Variants in FAT3 observed in about 807,000 individuals in gnomAD.
FAT3 encodes protocadherin Fat 3.
FAT3 carries 95 observed loss-of-function variants against 310.2 expected under a neutral mutation model. The ratio of observed to expected loss-of-function variants is 0.31; its 90% confidence interval spans 0.26 to 0.36. The LOEUF (loss-of-function observed/expected upper bound fraction) is 0.36, where lower values mean the gene tolerates loss of function less well. Among genes scored for constraint, FAT3 ranks in the 10% least tolerant of loss-of-function variants. The pLI is 1.00. For synonymous variants in FAT3, 2,314 were observed against 2,192.9 expected, an observed-to-expected ratio of 1.06 and a Z score of -1.54; for missense variants, 5,408 against 5,715.6, an observed-to-expected ratio of 0.95 and a Z score of 1.74.
intron 1 of FAT3, among the ~76,000 whole-genome samples, chr11:92,338,744 C>T (rs1368874988): frequency 1.3e-5 from 2 of 152,124 alleles, no homozygotes; most frequent in Non-Finnish European, 2.9e-5. Context: ...GAACATTAGT[C>T]CTTGGGAACA....
chr11:92,534,589 A>G (rs687952), intron 3 of FAT3, among the ~76,000 whole-genome samples: 62,997 of 151,964 alleles, frequency 0.41, 13,430 homozygotes, highest in Middle Eastern at 0.55. Flanking sequence ...GGTAAGGAAG[A>G]TCTTTGTAGA....
At chr11:92,670,537 T>C (rs1023736547) in intron 3 of FAT3, among the ~76,000 whole-genome samples, 1 of 152,142 alleles carries the variant, frequency 6.6e-6, no homozygotes, top group East Asian at 1.9e-4. Flanking sequence ...ACTGCCTTGT[T>C]TGGGGGGATG....
intron 2 of FAT3, among the ~76,000 whole-genome samples, chr11:92,505,320 C>A (rs957553775): frequency 9.9e-5 from 15 of 152,106 alleles, no homozygotes; most frequent in African/African-American, 3.6e-4. Flanking sequence ...GCTTCCACAA[C>A]TGTTGTTGGG....
chr11:92,331,317 GA>G (rs1449412339), intron 1 of FAT3, among the ~76,000 whole-genome samples: 2 of 150,190 alleles, frequency 1.3e-5, no homozygotes, highest in Non-Finnish European at 3.0e-5. Context: ...AGAGTTTCAT[GA>G]AAACCTCTCT....
intron 1 of FAT3, among the ~76,000 whole-genome samples, chr11:92,240,630 A>G (rs1248431508): frequency 6.6e-6 from 1 of 151,196 alleles, no homozygotes; most frequent in Non-Finnish European, 1.5e-5. Context: ...AGGTTTTTGC[A>G]TCAATGTAGA....
chr11:92,883,347 C>T lies in FAT3; in HGVS notation c.12891C>T (p.Ser4297=), dbSNP rs776282498. Residue 4297 remains serine, a synonymous_variant, in exon 24 of 28, where the codon TCC becomes TCT. Coordinates refer to ENST00000525166, the MANE Select transcript of FAT3 (RefSeq NM_001367949.2). This position sits in a 1 kb window ranked among gnomAD's most constrained non-coding sequence, Gnocchi z 4.2. ...TCCCCGCCGTGTCACCCTGCCGCTC[C>T]GACTGCGACTCCATCCGGAAGAATG... is the stretch of plus-strand genomic sequence containing the variant. ...PNLPAVSPCR[S]DCDSIRKNGW... is the part of the protein sequence containing the mutation. 4 of 1,608,920 alleles carry T rather than the reference C, an allele frequency of 2.5e-6. No homozygotes were observed. The highest frequency in any genetic ancestry group is 1.3e-5 in the African/African-American group (1 of 74,958).
chr11:92,560,831 T>G (rs1460568793), intron 3 of FAT3, among the ~76,000 whole-genome samples: 1 of 152,202 alleles, frequency 6.6e-6, no homozygotes. Context: ...GTCAGATATT[T>G]CAGCTTCTGT....
At chr11:92,427,061 G>C (rs540648228) in intron 2 of FAT3, among the ~76,000 whole-genome samples, 1 of 152,228 alleles carries the variant, frequency 6.6e-6, no homozygotes, top group East Asian at 1.9e-4. Context: ...TTGAGTGGTG[G>C]TTTGTCATTC....
intron 2 of FAT3, among the ~76,000 whole-genome samples, chr11:92,441,626 C>T (rs2135075957): frequency 6.6e-6 from 1 of 151,988 alleles, no homozygotes; most frequent in South Asian, 2.1e-4. Context: ...GCTGTCTGTC[C>T]CACTGATTTA....
chr11:92,709,684 T>C (rs556618014), intron 4 of FAT3, among the ~76,000 whole-genome samples: 45 of 152,306 alleles, frequency 3.0e-4, no homozygotes, highest in African/African-American at 1.1e-3. Flanking sequence ...TATAGTGATA[T>C]GTACTGTCCA....
intron 2 of FAT3, among the ~76,000 whole-genome samples, chr11:92,388,146 A>G (rs918056986): frequency 1.3e-5 from 2 of 152,094 alleles, no homozygotes; most frequent in Non-Finnish European, 2.9e-5. Context: ...TGACATTTTT[A>G]TTATTTCAGC....
intron 3 of FAT3, among the ~76,000 whole-genome samples, chr11:92,531,602 G>T (rs1344924202): frequency 6.6e-6 from 1 of 152,136 alleles, no homozygotes; most frequent in East Asian, 1.9e-4. Flanking sequence ...GTTGCTCTGT[G>T]TTCCATGCTG....
At chr11:92,790,623 C>T (rs1947017320) in intron 8 of FAT3, among the ~76,000 whole-genome samples, 1 of 152,132 alleles carries the variant, frequency 6.6e-6, no homozygotes, top group African/African-American at 2.4e-5. Flanking sequence ...AATGCTCAGT[C>T]CTTGGAAGGA....
At chr11:92,737,644 C>T (rs1438105089) in intron 4 of FAT3, among the ~76,000 whole-genome samples, 1 of 151,834 alleles carries the variant, frequency 6.6e-6, no homozygotes, top group Non-Finnish European at 1.5e-5. Context: ...AAGAATCAAC[C>T]TTGTTTAATT....
At chr11:92,669,915 C>T (rs2135819754) in intron 3 of FAT3, among the ~76,000 whole-genome samples, 1 of 152,288 alleles carries the variant, frequency 6.6e-6, no homozygotes, top group South Asian at 2.1e-4. Context: ...AAATAGGCAG[C>T]ATGGACTGCA....
intron 1 of FAT3, among the ~76,000 whole-genome samples, chr11:92,345,774 G>T (rs182510054): frequency 1.4e-4 from 21 of 152,290 alleles, no homozygotes; most frequent in Non-Finnish European, 1.5e-5. Flanking sequence ...TCACAGTGGA[G>T]ATCTCAGGTC....
At chr11:92,261,123 A>G (rs1865535947) in intron 1 of FAT3, among the ~76,000 whole-genome samples, 1 of 152,118 alleles carries the variant, frequency 6.6e-6, no homozygotes, top group Non-Finnish European at 1.5e-5. Context: ...AAATCATCCT[A>G]GATCCCTGTG....
chr11:92,483,442 T>G (rs1952291347), intron 2 of FAT3, among the ~76,000 whole-genome samples: 1 of 152,116 alleles, frequency 6.6e-6, no homozygotes, highest in Admixed American at 6.6e-5. Context: ...TTCAAGTGAT[T>G]CTACTGCCTC....
intron 13 of FAT3, among the ~76,000 whole-genome samples, chr11:92,831,226 C>T (rs1173950887): frequency 2.0e-5 from 3 of 152,162 alleles, no homozygotes; most frequent in Non-Finnish European, 2.9e-5. Context: ...CTAGAAAGTG[C>T]CTGGTAGATT....
Sources: gnomAD v4.1 joint callset for allele counts (sites outside exome capture counted in the v4.1 genomes callset) on GRCh38, gnomAD v4.1.1 for gene constraint, Gnocchi (gnomAD v3.1) non-coding constraint, MANE v1.5 for transcripts, NCBI Gene and HGNC (gene_info 2026-07-23, HGNC 2026-07-21) for gene names.